Variants in PON2 observed in about 807,000 individuals in gnomAD.
PON2 encodes the protein serum paraoxonase/arylesterase 2.
A neutral mutation model predicts 36.6 loss-of-function variants in PON2; 27 were observed. That is an observed-to-expected ratio of 0.74 (90% CI 0.54 to 1.02). The LOEUF is 1.02. Among genes scored for constraint, PON2 ranks in the 50% least tolerant of loss-of-function variants. The pLI, the probability that PON2 is intolerant of heterozygous loss-of-function variation, is 0.00. For synonymous variants in PON2, 149 were observed against 156.3 expected, an observed-to-expected ratio of 0.95 and a Z score of 0.35; for missense variants, 363 against 421.1, an observed-to-expected ratio of 0.86 and a Z score of 1.21.
intron 1 of PON2, 39 bp downstream of exon 1, chr7:95,434,838 TG>T: frequency 2.0e-6 from 3 of 1,531,542 alleles, no homozygotes; most frequent in East Asian, 2.5e-5. Flanking sequence ...ACCCCGAGCC[TG>T]GGGACCGCCG....
chr7:95,411,368 C>A (rs1212576146), intron 5 of PON2, among the ~76,000 whole-genome samples: 1 of 152,136 alleles, frequency 6.6e-6, no homozygotes, highest in Non-Finnish European at 1.5e-5. Context: ...TCAAGATGGG[C>A]CTGAAGAGTA....
At chr7:95,434,786 G>A (rs1343010335) in intron 1 of PON2, 92 bp downstream of exon 1, 4 of 1,407,136 alleles carry the variant, frequency 2.8e-6, no homozygotes, top group African/African-American at 3.0e-5. Context: ...GGTCCCGCAG[G>A]AATCCCTCCC....
intron 3 of PON2, 170 bp downstream of exon 3, chr7:95,416,072 C>T: frequency 7.9e-7 from 1 of 1,263,614 alleles, no homozygotes; most frequent in African/African-American, 1.5e-5. Context: ...GAGTCTTCAT[C>T]TCTACATTTA....
chr7:95,424,671 TA>T, intron 1 of PON2, 86 bp from the exon 2 acceptor site: 1 of 945,042 alleles, frequency 1.1e-6, no homozygotes, highest in Non-Finnish European at 1.7e-6. Flanking sequence ...TAAAGAGGCT[TA>T]CAGCAATACA....
At chr7:95,419,959 G>A (rs868386347) in intron 2 of PON2, among the ~76,000 whole-genome samples, 3 of 152,086 alleles carry the variant, frequency 2.0e-5, no homozygotes, top group Admixed American at 1.3e-4. Context: ...ATACCCAATA[G>A]AGCATCCCAT....
At chr7:95,427,133 A>T (rs1789334844) in intron 1 of PON2, among the ~76,000 whole-genome samples, 2 of 152,002 alleles carry the variant, frequency 1.3e-5, no homozygotes, top group Non-Finnish European at 2.9e-5. Context: ...TACTTAACTA[A>T]TTTTTTTCTT....
intron 1 of PON2, among the ~76,000 whole-genome samples, chr7:95,425,050 C>T (rs1023450741): frequency 5.9e-5 from 9 of 152,116 alleles, no homozygotes; most frequent in African/African-American, 1.9e-4. Flanking sequence ...GAGCCTGACA[C>T]ACCAAAGACA....
In PON2 at chr7:95,424,535, C is replaced by G; in HGVS notation, c.125G>C (p.Cys42Ser). The stretch of plus-strand genomic sequence containing the variant: ...CATACCAATTCCTTTAATCAGGTGG[C>G]AGTGTGGAAGGTCTACAGATTCTAC... ...REVESVDLPH[C>S]HLIKGIEAGS... is the part of the protein sequence containing the mutation. Residue 42 changes from cysteine to serine, a missense_variant, in exon 2 of 9, where the codon TGC (cysteine) becomes TCC (serine). Physicochemically the swap from Cys to Ser is moderately radical, Grantham distance 112. Transcript: ENST00000222572. 6.2e-7 allele frequency: 1 copy of G among 1,612,754 alleles called. No individual in the cohort carries two copies. Among genetic ancestry groups the G allele is most frequent in the Non-Finnish European group, 8.5e-7 (1 of 1,179,226 alleles).
intron 2 of PON2, among the ~76,000 whole-genome samples, chr7:95,418,647 TTTTATTTCAAAACAAA>T (rs1321108446): frequency 6.6e-6 from 1 of 152,230 alleles, no homozygotes; most frequent in Non-Finnish European, 1.5e-5. Context: ...TTTCAACTTA[TTTTATTTCAAAACAAA>T]TTTATTAAAT....
chr7:95,416,056 G>C (rs1789055653), intron 3 of PON2, 186 bp downstream of exon 3: 4 of 1,044,190 alleles, frequency 3.8e-6, no homozygotes, highest in Non-Finnish European at 5.5e-6. Context: ...TATCTCAATG[G>C]GCAAAGAGTC....
At chr7:95,414,027 T>A (rs762329401) in intron 3 of PON2, among the ~76,000 whole-genome samples, 26 of 152,220 alleles carry the variant, frequency 1.7e-4, no homozygotes, top group Non-Finnish European at 2.6e-4. Flanking sequence ...TATTTAAGTA[T>A]TTTTTCTCTT....
chr7:95,411,761 A>G lies in PON2; in HGVS notation c.386T>C (p.Phe129Ser), dbSNP rs755181323. Residue 129 changes from phenylalanine to serine, a missense_variant, in exon 5 of 9, where the codon TTT (phenylalanine) becomes TCT (serine). Phe to Ser is a radical substitution (Grantham distance 155). Coordinates refer to ENST00000222572, the MANE Select transcript of PON2 (RefSeq NM_000305.3). ...CTTGAATTCTGGGTGGTTTACAACA[A>G]AGAGATAAACTGTGTCATCTAAAGA... ...FIDNDDTVYL[F>S]VVNHPEFKNT... 1 of 1,613,726 alleles carries G rather than the reference A, an allele frequency of 6.2e-7. No homozygotes were observed. Among genetic ancestry groups the G allele is most frequent in the Admixed American group, 1.7e-5 (1 of 60,022 alleles).
chr7:95,414,568 T>C (rs1789017727), intron 3 of PON2, among the ~76,000 whole-genome samples: 1 of 152,114 alleles, frequency 6.6e-6, no homozygotes, highest in African/African-American at 2.4e-5. Context: ...AGAGAAATCT[T>C]GAAATAGGTG....
chr7:95,406,885 C>G, intron 7 of PON2, 102 bp downstream of exon 7: 1 of 695,742 alleles, frequency 1.4e-6, no homozygotes, highest in Non-Finnish European at 2.5e-6. Flanking sequence ...AATAGCTACA[C>G]TGGCATCCAT....
In PON2 at chr7:95,410,048, T is replaced by G; in HGVS notation, c.548A>C (p.His183Pro). ...CTTTAAGAAAGGATCAGAGAAGTAG[T>G]GGTCATTTGTGGCATAGAAATGTGC... The part of the protein sequence containing the change: ...GPAHFYATND[H>P]YFSDPFLKYL... Residue 183 changes from histidine (H) to proline (P), a missense_variant, in exon 6 of 9, where the codon CAC (histidine) becomes CCC (proline). Coordinates refer to ENST00000222572, the MANE Select transcript of PON2 (RefSeq NM_000305.3). The G allele has an allele frequency of 6.2e-7, 1 of 1,613,854 alleles. No homozygotes were observed. Among genetic ancestry groups the G allele is most frequent in the Non-Finnish European group, 8.5e-7 (1 of 1,179,868 alleles).
chr7:95,411,775 G>A lies in PON2; in HGVS notation c.372C>T (p.Asp124=). 6.2e-7 allele frequency: 1 copy of A among 1,613,352 alleles called. No individual in the cohort carries two copies. Among genetic ancestry groups the A allele is most frequent in the Non-Finnish European group, 8.5e-7 (1 of 1,179,514 alleles). Residue 124 remains aspartate (D), a synonymous_variant, in exon 5 of 9, where the codon GAC becomes GAT. Coordinates refer to ENST00000222572, the MANE Select transcript of PON2 (RefSeq NM_000305.3). ...GGTTTACAACAAAGAGATAAACTGTGTCATCTAAAGAATTGAAAGAACAGA... is the reference window on the plus strand; with the variant it reads ...GGTTTACAACAAAGAGATAAACTGTATCATCTAAAGAATTGAAAGAACAGA... The part of the protein sequence containing the change: ...HGISTFIDND[D]TVYLFVVNHP...
At chr7:95,426,349 G>A (rs1335396907) in intron 1 of PON2, among the ~76,000 whole-genome samples, 1 of 152,160 alleles carries the variant, frequency 6.6e-6, no homozygotes. Flanking sequence ...ATAATTGTGG[G>A]TGGTCAAAGG....
intron 1 of PON2, among the ~76,000 whole-genome samples, chr7:95,430,904 A>AG (rs1013408073): frequency 6.6e-6 from 1 of 151,672 alleles, no homozygotes; most frequent in African/African-American, 2.4e-5. Flanking sequence ...TGGTTTAAAA[A>AG]AAAAAAAAAG....
Position 95,409,779 on chromosome 7 carries a change from A to G in PON2, c.695+122T>C, listed in dbSNP as rs948490328. 5 of 552,588 alleles carry G rather than the reference A, an allele frequency of 9.0e-6. No individual in the cohort carries two copies. In the Middle Eastern group the frequency reaches 1.7e-3, roughly 189 times the overall value. The allele number at this position is 552,588 out of a possible 1,614,324, so 34.2% of individuals were successfully genotyped here. A position where few individuals can be genotyped will look rare whatever the true frequency, so the allele number is the denominator to read the frequency against. On this transcript the variant is annotated intron_variant, in intron 6 of 8. Transcript: ENST00000222572. ...TATATATATAGTGTATCTATATATTATATGTATAATATACCATAAATGTCA... is the reference window on the plus strand; with the variant it reads ...TATATATATAGTGTATCTATATATTGTATGTATAATATACCATAAATGTCA...
Sources: gnomAD v4.1 joint callset for allele counts (sites outside exome capture counted in the v4.1 genomes callset) on GRCh38, gnomAD v4.1.1 for gene constraint, MANE v1.5 for transcripts, NCBI Gene and HGNC (gene_info 2026-07-23, HGNC 2026-07-21) for gene names.